The following CLVS1 variants were observed in gnomAD, a reference collection of about 807,000 sequenced individuals.
CLVS1 encodes clavesin-1.
A neutral mutation model predicts 33.1 loss-of-function variants in CLVS1; 10 were observed. That is an observed-to-expected ratio of 0.30 (90% confidence interval 0.19 to 0.51). The LOEUF is 0.51. Ranked by LOEUF, CLVS1 falls within the 20% of genes least tolerant of loss-of-function variation. The pLI is 0.97. For synonymous variants in CLVS1, 163 were observed against 166.1 expected, an observed-to-expected ratio of 0.98 and a Z score of 0.14; for missense variants, 343 against 433.4, an observed-to-expected ratio of 0.79 and a Z score of 1.85.
At chr8:61,450,038 G>C (rs181042772) in intron 3 of CLVS1, among the ~76,000 whole-genome samples, 32 of 152,316 alleles carry the variant, frequency 2.1e-4, no homozygotes, top group African/African-American at 6.3e-4. Context: ...CAGAAGAGTG[G>C]CTGTGAGACC....
intron 3 of CLVS1, among the ~76,000 whole-genome samples, chr8:61,432,224 C>A (rs1816141953): frequency 6.6e-6 from 1 of 152,184 alleles, no homozygotes; most frequent in African/African-American, 2.4e-5. Flanking sequence ...GAACTAAATT[C>A]TTGGACTAGA....
chr8:60,973,095 G>A, the CLVS1 span, among the ~76,000 whole-genome samples: 4 of 152,156 alleles, frequency 2.6e-5, no homozygotes, highest in Non-Finnish European at 4.4e-5. Context: ...CAGATTCAAG[G>A]GTATGAAGAA....
At chr8:61,050,125 T>A in the CLVS1 span, among the ~76,000 whole-genome samples, 1 of 152,374 alleles carries the variant, frequency 6.6e-6, no homozygotes, top group South Asian at 2.1e-4. Context: ...TACAGCCTCA[T>A]CAGTGGCTTC....
At chr8:61,286,893 C>T (rs182151154), upstream of CLVS1, among the ~76,000 whole-genome samples, 50 of 152,306 alleles carry the variant, frequency 3.3e-4, no homozygotes, top group African/African-American at 1.2e-3. Flanking sequence ...CTTCACTTAA[C>T]ACTTTGCAAG....
the CLVS1 span, among the ~76,000 whole-genome samples, chr8:60,974,741 T>C: frequency 6.7e-6 from 1 of 149,820 alleles, no homozygotes; most frequent in Non-Finnish European, 1.5e-5. Flanking sequence ...ATCACGCCAC[T>C]GCACTCCAGC....
chr8:61,081,861 A>G lies in CLVS1; in HGVS notation c.-243+24631A>G, dbSNP rs191209245. Among the ~76,000 whole-genome samples, 3 of 152,352 alleles carry G rather than the reference A, an allele frequency of 2.0e-5. No homozygotes were observed. In the East Asian group the frequency reaches 5.8e-4, roughly 29 times the overall value. On this transcript the variant is annotated intron_variant, in intron 1 of 2. Transcript: ENST00000522621. ...CAGAAACCCAGGAGCAGAAACCTCT[A>G]TGAGAACCAGTATTGGGTTCCTTTT...
chr8:61,248,197 A>G (rs1485134579), intron 2 of CLVS1, among the ~76,000 whole-genome samples: 1 of 152,112 alleles, frequency 6.6e-6, no homozygotes, highest in South Asian at 2.1e-4. Context: ...GCCTTGTAGT[A>G]TAGTTTGAAG....
At chr8:61,066,631 G>A (rs1277540617) in intron 1 of CLVS1, among the ~76,000 whole-genome samples, 2 of 152,234 alleles carry the variant, frequency 1.3e-5, no homozygotes, top group Non-Finnish European at 2.9e-5. Flanking sequence ...CCTGGGGCAT[G>A]AGCATCATTC....
chr8:61,262,531 T>C (rs552555599), intron 2 of CLVS1, among the ~76,000 whole-genome samples: 5 of 152,208 alleles, frequency 3.3e-5, no homozygotes, highest in Admixed American at 3.3e-4. Context: ...TCCAGGCCCA[T>C]CTGATAAGAA....
At chr8:61,278,826 G>A (rs1466539546) in intron 2 of CLVS1, among the ~76,000 whole-genome samples, 1 of 152,162 alleles carries the variant, frequency 6.6e-6, no homozygotes, top group Non-Finnish European at 1.5e-5. Context: ...GCTTTGCCTT[G>A]GGACATGAGG....
intron 1 of CLVS1, among the ~76,000 whole-genome samples, chr8:61,123,140 A>G (rs1805907584): frequency 7.0e-6 from 1 of 142,872 alleles, no homozygotes; most frequent in Non-Finnish European, 1.5e-5. Context: ...GTGGTGGTAC[A>G]TGCCTGTAAT....
At chr8:61,308,607 C>T (rs762134675) in intron 2 of CLVS1, among the ~76,000 whole-genome samples, 8 of 152,174 alleles carry the variant, frequency 5.3e-5, no homozygotes, top group Non-Finnish European at 1.2e-4. Context: ...CTTCCGGGCA[C>T]TGTGATAACC....
chr8:61,321,939 T>C (rs1025452476), intron 2 of CLVS1, among the ~76,000 whole-genome samples: 7 of 152,282 alleles, frequency 4.6e-5, no homozygotes, highest in African/African-American at 1.7e-4. Context: ...ATTCCCCTGA[T>C]GCTATTTTTT....
intron 3 of CLVS1, among the ~76,000 whole-genome samples, chr8:61,388,150 CAAGAAAAAATAGT>C (rs1272802739): frequency 6.6e-6 from 1 of 151,654 alleles, no homozygotes. Flanking sequence ...AAATGCAGAT[CAAGAAAAAATAGT>C]AACTGTGACC....
intron 3 of CLVS1, among the ~76,000 whole-genome samples, chr8:61,387,572 C>G (rs1814138944): frequency 6.7e-6 from 1 of 149,288 alleles, no homozygotes; most frequent in Non-Finnish European, 1.5e-5. Flanking sequence ...TTTTGGTGCA[C>G]CCATCACCCG....
intron 1 of CLVS1, among the ~76,000 whole-genome samples, chr8:61,071,979 C>T (rs1263880624): frequency 6.6e-6 from 1 of 152,186 alleles, no homozygotes; most frequent in Non-Finnish European, 1.5e-5. Flanking sequence ...GAAAGAGAGC[C>T]CCTGTGAGGG....
chr8:61,277,755 A>G (rs1275150853), intron 2 of CLVS1, among the ~76,000 whole-genome samples: 1 of 152,176 alleles, frequency 6.6e-6, no homozygotes, highest in Admixed American at 6.5e-5. Flanking sequence ...TAGATTCTCA[A>G]TTGGAATTAA....
At chr8:61,033,147 G>GA in the CLVS1 span, among the ~76,000 whole-genome samples, 7 of 124,802 alleles carry the variant, frequency 5.6e-5, no homozygotes, top group Non-Finnish European at 1.2e-4. Flanking sequence ...AAGAAAGAAA[G>GA]AAAGAAAGAA....
intron 2 of CLVS1, among the ~76,000 whole-genome samples, chr8:61,252,473 G>A (rs1289613647): frequency 3.3e-5 from 5 of 152,136 alleles, no homozygotes; most frequent in Non-Finnish European, 7.4e-5. Context: ...GAATATCCTT[G>A]TTAATTTTCT....
Sources: gnomAD v4.1 joint callset for allele counts (sites outside exome capture counted in the v4.1 genomes callset) on GRCh38, gnomAD v4.1.1 for gene constraint, MANE v1.5 for transcripts, NCBI Gene and HGNC (gene_info 2026-07-23, HGNC 2026-07-21) for gene names.